Variants in CNTN5 observed in about 807,000 individuals in gnomAD.
The protein encoded by CNTN5 is contactin-5.
In CNTN5, 77 loss-of-function variants were observed where a neutral mutation model predicts 129.1. The observed-to-expected ratio is 0.60, with a 90% CI of 0.50 to 0.72. CNTN5 has a LOEUF of 0.72. CNTN5 is among the 30% of genes least tolerant of loss of function. The pLI, the probability that CNTN5 is intolerant of heterozygous loss-of-function variation, is 0.00. For missense variants in CNTN5, 1,478 were observed against 1,328.8 expected (o/e 1.11, Z -1.75); for synonymous variants, 509 against 465.6 (o/e 1.09, Z -1.20).
chr11:100,199,691 A>C (rs1309690606), intron 15 of CNTN5, among the ~76,000 whole-genome samples: 1 of 151,796 alleles, frequency 6.6e-6, no homozygotes, highest in Non-Finnish European at 1.5e-5. Flanking sequence ...TTCCGAAAGC[A>C]AATAAGAATG....
chr11:99,338,919 G>GATATATATAT lies in CNTN5; in HGVS notation c.-71+13454_-71+13463dup, dbSNP rs10534485. On this transcript the variant is annotated intron_variant, in intron 2 of 24. Coordinates refer to ENST00000524871, the MANE Select transcript of CNTN5 (RefSeq NM_014361.4). ...ATTTTATGTATTTTGTTCATTCACA[G>GATATATATAT]ATATATATATATATATATATATATA... 6.9e-3 allele frequency among the ~76,000 whole-genome samples: 873 copies of GATATATATAT among 126,920 alleles called. 13 individuals carry two copies. Among genetic ancestry groups the GATATATATAT allele is most frequent in the East Asian group, 0.028 (122 of 4,314 alleles). The allele number at this position is 126,920 out of a possible 152,430, so 83.3% of individuals were successfully genotyped here. A position where few individuals can be genotyped will look rare whatever the true frequency, so the allele number is the denominator to read the frequency against.
chr11:99,345,080 C>A (rs1452228589), intron 2 of CNTN5, among the ~76,000 whole-genome samples: 2 of 152,112 alleles, frequency 1.3e-5, no homozygotes, highest in Non-Finnish European at 2.9e-5. Context: ...ATTACTCCCA[C>A]TTGTACTGAT....
intron 3 of CNTN5, among the ~76,000 whole-genome samples, chr11:99,594,909 T>C (rs1950080951): frequency 1.3e-5 from 2 of 152,204 alleles, no homozygotes; most frequent in Non-Finnish European, 2.9e-5. Flanking sequence ...ATCATTATTC[T>C]CATCAAGTCA....
intron 9 of CNTN5, among the ~76,000 whole-genome samples, chr11:100,037,310 G>T (rs1203618614): frequency 6.6e-6 from 1 of 151,778 alleles, no homozygotes; most frequent in Non-Finnish European, 1.5e-5. Flanking sequence ...GCATCCCAGG[G>T]ATGAAGCCCA....
intron 2 of CNTN5, among the ~76,000 whole-genome samples, chr11:99,360,133 T>C (rs1939001545): frequency 6.6e-6 from 1 of 152,196 alleles, no homozygotes; most frequent in Non-Finnish European, 1.5e-5. Context: ...ATAATCTTCT[T>C]TGGTTCCATG....
intron 9 of CNTN5, among the ~76,000 whole-genome samples, chr11:100,046,788 T>A (rs1942702689): frequency 1.3e-5 from 2 of 151,994 alleles, no homozygotes; most frequent in Admixed American, 1.3e-4. Context: ...TGAAAAAAAA[T>A]GAATAAAATA....
At chr11:99,915,244 G>A (rs867343053) in intron 6 of CNTN5, among the ~76,000 whole-genome samples, 3 of 152,090 alleles carry the variant, frequency 2.0e-5, no homozygotes, top group Non-Finnish European at 2.9e-5. Context: ...GGAAAGGAGC[G>A]TAAGTACTGA....
intron 1 of CNTN5, among the ~76,000 whole-genome samples, chr11:99,269,254 T>A (rs1272091017): frequency 6.6e-6 from 1 of 151,952 alleles, no homozygotes; most frequent in African/African-American, 2.4e-5. Context: ...ATAGAAGGAT[T>A]AATTATTATC....
intron 3 of CNTN5, among the ~76,000 whole-genome samples, chr11:99,647,899 A>G (rs1001874493): frequency 1.3e-5 from 2 of 151,878 alleles, no homozygotes; most frequent in Non-Finnish European, 2.9e-5. Context: ...AACTTGATCA[A>G]ATGTATTTAT....
chr11:99,305,359 A>G lies in CNTN5; in HGVS notation c.-209-19987A>G, dbSNP rs1039317692. ...TAACATCTGTTTGAGTTTCACAAAC[A>G]GCAAAAGCTGGCAATCTGTAAAGTT... On this transcript the variant is annotated intron_variant, in intron 1 of 24. Transcript: ENST00000524871. 3.3e-5 allele frequency among the ~76,000 whole-genome samples: 5 copies of G among 152,230 alleles called. No homozygotes were observed. In the East Asian group the frequency reaches 9.6e-4, roughly 29 times the overall value.
chr11:99,028,264 G>C (rs973010734), intron 1 of CNTN5, among the ~76,000 whole-genome samples: 1 of 151,798 alleles, frequency 6.6e-6, no homozygotes, highest in African/African-American at 2.4e-5. Flanking sequence ...GTGCCACAGT[G>C]AGTAATTTAA....
At chr11:100,276,527 C>CAA (rs56774234) in intron 18 of CNTN5, among the ~76,000 whole-genome samples, 46 of 70,042 alleles carry the variant, frequency 6.6e-4, no homozygotes, top group Middle Eastern at 0.011. Flanking sequence ...GAGACTCTCT[C>CAA]AAAAAAAAAA....
chr11:99,043,808 T>C (rs1864101596), intron 1 of CNTN5, among the ~76,000 whole-genome samples: 1 of 152,224 alleles, frequency 6.6e-6, no homozygotes, highest in African/African-American at 2.4e-5. Context: ...TAACTAAATA[T>C]CTCAGAATCT....
chr11:100,147,026 T>C (rs1172926995), intron 13 of CNTN5, among the ~76,000 whole-genome samples: 23 of 152,170 alleles, frequency 1.5e-4, no homozygotes, highest in Admixed American at 1.5e-3. Context: ...CTGTTTCACA[T>C]GTAAACGTGA....
intron 1 of CNTN5, among the ~76,000 whole-genome samples, chr11:99,058,368 C>A (rs370249918): frequency 7.2e-5 from 11 of 152,056 alleles, no homozygotes; most frequent in African/African-American, 2.4e-4. Flanking sequence ...ATAAATATGA[C>A]AGCCATAAAC....
chr11:99,408,832 A>G (rs532779828), intron 2 of CNTN5, among the ~76,000 whole-genome samples: 5 of 152,352 alleles, frequency 3.3e-5, no homozygotes, highest in Admixed American at 2.6e-4. Flanking sequence ...GTAGTTTTAC[A>G]TAAAACAATG....
At chr11:99,501,187 G>A (rs1455246254) in intron 2 of CNTN5, among the ~76,000 whole-genome samples, 2 of 152,140 alleles carry the variant, frequency 1.3e-5, no homozygotes, top group African/African-American at 4.8e-5. Flanking sequence ...ATGCTGTTCT[G>A]TGCTGTTCAT....
chr11:100,094,543 C>T (rs993339206), intron 13 of CNTN5, among the ~76,000 whole-genome samples: 1 of 151,802 alleles, frequency 6.6e-6, no homozygotes, highest in African/African-American at 2.4e-5. Flanking sequence ...GGAGTAAAGC[C>T]CTGATGTGTG....
At chr11:100,234,139 A>G (rs2138658495) in intron 16 of CNTN5, among the ~76,000 whole-genome samples, 1 of 152,260 alleles carries the variant, frequency 6.6e-6, no homozygotes, top group African/African-American at 2.4e-5. Flanking sequence ...AAAAGTCAGG[A>G]AACAAAAGAT....
Sources: gnomAD v4.1 joint callset for allele counts (sites outside exome capture counted in the v4.1 genomes callset) on GRCh38, gnomAD v4.1.1 for gene constraint, MANE v1.5 for transcripts, NCBI Gene and HGNC (gene_info 2026-07-23, HGNC 2026-07-21) for gene names.